Variants in CHCHD6 observed in about 807,000 individuals in gnomAD.
The protein encoded by CHCHD6 is coiled-coil-helix-coiled-coil-helix domain containing 6, also known as MICOS complex subunit MIC25.
A neutral mutation model predicts 32.3 loss-of-function variants in CHCHD6; 28 were observed. The ratio of observed to expected loss-of-function variants is 0.87; its 90% CI spans 0.64 to 1.19. The LOEUF (loss-of-function observed/expected upper bound fraction) is 1.19, where lower values mean the gene tolerates loss of function less well. Ranked by LOEUF, CHCHD6 falls within the 50% of genes most tolerant of loss-of-function variation. CHCHD6 has a pLI of 0.00. For synonymous variants in CHCHD6, 122 were observed against 117.5 expected, an observed-to-expected ratio of 1.04 and a Z score of -0.25; for missense variants, 333 against 307.0, an observed-to-expected ratio of 1.08 and a Z score of -0.63.
intron 3 of CHCHD6, among the ~76,000 whole-genome samples, chr3:126,731,206 G>C (rs963648159): frequency 7.9e-5 from 12 of 151,720 alleles, no homozygotes; most frequent in Non-Finnish European, 1.8e-4. Context: ...TGTTTTTAGA[G>C]AGATGAGGAA....
At chr3:126,940,381 G>T (rs1386215586) in intron 6 of CHCHD6, among the ~76,000 whole-genome samples, 1 of 151,938 alleles carries the variant, frequency 6.6e-6, no homozygotes, top group Non-Finnish European at 1.5e-5. Flanking sequence ...TGTAGATTTA[G>T]ATCTTCATTT....
rs1935567730 is a variant in CHCHD6, at chr3:126,727,091, T to G, written c.101T>G (p.Val34Gly). Residue 34 changes from valine (V) to glycine (G), a missense_variant, in exon 2 of 8, where the codon GTG (valine) becomes GGG (glycine). By Grantham distance (109) the Val-to-Gly change is moderately radical. Transcript: ENST00000290913. ...VLQGVRLSEN[V>G]VNRMKEPSSP... ...CTGCTTCCTTAGCTGTCTGAAAACG[T>G]GGTGAACCGCATGAAGGAGCCCAGC... 6.2e-7 allele frequency: 1 copy of G among 1,613,516 alleles called. No homozygotes were observed. The highest frequency in any genetic ancestry group is 1.3e-5 in the African/African-American group (1 of 74,928).
At chr3:126,854,656 G>C (rs73203684) in intron 5 of CHCHD6, among the ~76,000 whole-genome samples, 2 of 152,120 alleles carry the variant, frequency 1.3e-5, no homozygotes, top group Non-Finnish European at 2.9e-5. Flanking sequence ...CTGTACACAC[G>C]GCTCCAGGAC....
At chr3:126,821,357 C>G (rs1308523656) in intron 4 of CHCHD6, among the ~76,000 whole-genome samples, 1 of 152,188 alleles carries the variant, frequency 6.6e-6, no homozygotes, top group Non-Finnish European at 1.5e-5. Flanking sequence ...AGTGCAGTGG[C>G]ACAATCTTGG....
chr3:126,802,108 T>TG (rs1242578391), intron 4 of CHCHD6, among the ~76,000 whole-genome samples: 1 of 151,846 alleles, frequency 6.6e-6, no homozygotes, highest in Non-Finnish European at 1.5e-5. Flanking sequence ...ACCACAAAGA[T>TG]GGGGAAAAAA....
At chr3:126,829,969 G>A (rs556945615) in intron 4 of CHCHD6, among the ~76,000 whole-genome samples, 5 of 152,210 alleles carry the variant, frequency 3.3e-5, no homozygotes, top group East Asian at 3.9e-4. Flanking sequence ...GTTGTGGCAC[G>A]CACATGTAGT....
At chr3:126,882,833 A>C (rs757338774) in intron 5 of CHCHD6, among the ~76,000 whole-genome samples, 6 of 152,208 alleles carry the variant, frequency 3.9e-5, no homozygotes, top group African/African-American at 1.4e-4. Flanking sequence ...TCTGGCGTAC[A>C]ACTCCTGAAA....
At chr3:126,712,308 A>C (rs1934786167) in intron 1 of CHCHD6, among the ~76,000 whole-genome samples, 3 of 152,210 alleles carry the variant, frequency 2.0e-5, no homozygotes. Flanking sequence ...CGTAACCAGT[A>C]ATACAATCTA....
intron 4 of CHCHD6, among the ~76,000 whole-genome samples, chr3:126,797,346 A>G (rs371410973): frequency 3.3e-5 from 5 of 152,348 alleles, no homozygotes; most frequent in Admixed American, 1.3e-4. Context: ...GAGCAGGGCA[A>G]GAAACTAGAC....
chr3:126,749,893 A>G (rs1221978775), intron 4 of CHCHD6, among the ~76,000 whole-genome samples: 1 of 152,174 alleles, frequency 6.6e-6, no homozygotes, highest in Admixed American at 6.5e-5. Context: ...GCTCCATACC[A>G]AAGAATGGCT....
intron 5 of CHCHD6, among the ~76,000 whole-genome samples, chr3:126,879,895 T>C (rs904092871): frequency 6.6e-6 from 1 of 152,198 alleles, no homozygotes; most frequent in Admixed American, 6.5e-5. Context: ...AAGTGATGAA[T>C]CTAGGTGAAA....
chr3:126,830,425 G>A (rs887929829), intron 4 of CHCHD6, among the ~76,000 whole-genome samples: 2 of 152,210 alleles, frequency 1.3e-5, no homozygotes, highest in Admixed American at 6.5e-5. Flanking sequence ...CATGCACCCT[G>A]CATGCCTGGG....
chr3:126,960,126 C>A, intron 7 of CHCHD6, 70 bp from the exon 8 acceptor site: 1 of 1,543,704 alleles, frequency 6.5e-7, no homozygotes, highest in East Asian at 2.4e-5. Context: ...TGTCACAGGG[C>A]GATCTGCACG....
At chr3:126,771,836 T>G (rs1937548455) in intron 4 of CHCHD6, among the ~76,000 whole-genome samples, 2 of 152,362 alleles carry the variant, frequency 1.3e-5, no homozygotes, top group Admixed American at 1.3e-4. Context: ...GTATGTTGTA[T>G]CTTTGTTCTC....
At chr3:126,953,391 C>G (rs941479321) in intron 6 of CHCHD6, among the ~76,000 whole-genome samples, 2 of 152,144 alleles carry the variant, frequency 1.3e-5, no homozygotes, top group Non-Finnish European at 2.9e-5. Context: ...AGGGAGGGAC[C>G]CTTTAAGGTA....
intron 4 of CHCHD6, among the ~76,000 whole-genome samples, chr3:126,779,934 G>A (rs1322691895): frequency 6.6e-6 from 1 of 152,110 alleles, no homozygotes; most frequent in Non-Finnish European, 1.5e-5. Flanking sequence ...CTATATACTG[G>A]TCTTGTGAGT....
At chr3:126,738,687 C>T (rs374393591) in intron 4 of CHCHD6, among the ~76,000 whole-genome samples, 4 of 152,216 alleles carry the variant, frequency 2.6e-5, no homozygotes, top group South Asian at 2.1e-4. Flanking sequence ...ATCTTTCCCT[C>T]GTGATCCCAT....
At chr3:126,874,068 G>C (rs572179691) in intron 5 of CHCHD6, among the ~76,000 whole-genome samples, 1 of 152,138 alleles carries the variant, frequency 6.6e-6, no homozygotes, top group Non-Finnish European at 1.5e-5. Context: ...TCTGGATCCC[G>C]GGCCATGTCG....
At chr3:126,887,843 C>T (rs115152474) in intron 5 of CHCHD6, among the ~76,000 whole-genome samples, 4,422 of 152,346 alleles carry the variant, frequency 0.029, 97 homozygotes, top group Non-Finnish European at 0.039. Flanking sequence ...ATGAGAATCA[C>T]GGACACAGAA....
Sources: gnomAD v4.1 joint callset for allele counts (sites outside exome capture counted in the v4.1 genomes callset) on GRCh38, gnomAD v4.1.1 for gene constraint, MANE v1.5 for transcripts, NCBI Gene and HGNC (gene_info 2026-07-23, HGNC 2026-07-21) for gene names.